PPIC: variants seen among roughly 807,000 people sequenced by gnomAD.
PPIC encodes the protein peptidyl-prolyl cis-trans isomerase C.
Under a neutral mutation model 19.5 loss-of-function variants are expected in PPIC, and 19 were observed. The ratio of observed to expected loss-of-function variants is 0.98; its 90% CI spans 0.68 to 1.43. The LOEUF (loss-of-function observed/expected upper bound fraction) is 1.43, where lower values mean the gene tolerates loss of function less well. Among genes scored for constraint, PPIC ranks in the 40% most tolerant of loss-of-function variants. PPIC has a pLI of 0.00. For missense variants in PPIC, 268 were observed against 268.6 expected (o/e 1.00, Z 0.02); for synonymous variants, 107 against 101.2 (o/e 1.06, Z -0.34).
chr5:123,033,943 A>T (rs753034993), intron 1 of PPIC, among the ~76,000 whole-genome samples: 1 of 152,234 alleles, frequency 6.6e-6, no homozygotes, highest in Non-Finnish European at 1.5e-5. Flanking sequence ...TTGGAGCCCA[A>T]TGAGCCAGAG....
At chr5:123,035,360 A>C (rs1762992046) in intron 1 of PPIC, among the ~76,000 whole-genome samples, 1 of 152,096 alleles carries the variant, frequency 6.6e-6, no homozygotes, top group Non-Finnish European at 1.5e-5. Flanking sequence ...TGCACAAACC[A>C]TTTCCCAAAG....
chr5:123,026,504 A>G (rs555646029), intron 3 of PPIC, among the ~76,000 whole-genome samples: 16 of 152,204 alleles, frequency 1.1e-4, no homozygotes, highest in Non-Finnish European at 2.1e-4. Context: ...CTATTTTACA[A>G]TGGGAAACAG....
In PPIC at chr5:123,023,726, A is replaced by C. The variant is rs1762799539; in HGVS notation, c.*149T>G. ...AAGCAAACTAAAGGGTGACGGTTTGATTTTTATAACTTTCCTGTGATCTGG... is the reference window on the plus strand; with the variant it reads ...AAGCAAACTAAAGGGTGACGGTTTGCTTTTTATAACTTTCCTGTGATCTGG... On this transcript the variant is annotated 3_prime_UTR_variant, in exon 5 of 5. Coordinates refer to ENST00000306442, the MANE Select transcript of PPIC (RefSeq NM_000943.5). The C allele has an allele frequency of 8.0e-7, 1 of 1,249,014 alleles. No individual in the cohort carries two copies. Among genetic ancestry groups the C allele is most frequent in the Non-Finnish European group, 1.0e-6 (1 of 965,824 alleles). The allele number at this position is 1,249,014 out of a possible 1,614,324, so 77.4% of individuals were successfully genotyped here.
At position 123,036,402 on chromosome 5, in the gene PPIC, C is replaced by A; in HGVS notation, c.117+107G>T. 1 of 1,062,308 alleles carries A rather than the reference C, an allele frequency of 9.4e-7. No individual in the cohort carries two copies. The highest frequency in any genetic ancestry group is 2.6e-5 in the East Asian group (1 of 38,922). 65.8% of individuals were successfully genotyped at this position (1,062,308 alleles called of 1,614,324 possible). ...CGGCCGCCTCCAGTCCCCCTGCGCC[C>A]GGGAAGCCTCCACCTCGCCCGCCCT... On this transcript the variant is annotated intron_variant, in intron 1 of 4. Coordinates refer to ENST00000306442, the MANE Select transcript of PPIC (RefSeq NM_000943.5). The surrounding 1 kb of genome is among the most constrained non-coding windows in gnomAD (Gnocchi z 4.5).
Position 123,029,433 on chromosome 5 carries a change from A to C in PPIC, c.118-15T>G. 6.4e-7 allele frequency: 1 copy of C among 1,564,046 alleles called. No individual in the cohort carries two copies. Among genetic ancestry groups the C allele is most frequent in the Non-Finnish European group, 8.7e-7 (1 of 1,155,558 alleles). Reference sequence around the variant, plus strand: ...TCAAAGAAGACCTGTGTGCAGTTGAAAGGCAAAGTGGAAGGTTATAAGGTG... The same window carrying C: ...TCAAAGAAGACCTGTGTGCAGTTGACAGGCAAAGTGGAAGGTTATAAGGTG... On this transcript the variant is annotated splice_polypyrimidine_tract_variant and intron_variant, in intron 1 of 4. Coordinates refer to ENST00000306442, the MANE Select transcript of PPIC (RefSeq NM_000943.5).
At chr5:123,031,319 C>T (rs1372247112) in intron 1 of PPIC, among the ~76,000 whole-genome samples, 1 of 152,174 alleles carries the variant, frequency 6.6e-6, no homozygotes, top group Non-Finnish European at 1.5e-5. Context: ...CAGTGTGTGA[C>T]AAATGCCCCC....
intron 2 of PPIC, 84 bp downstream of exon 2, chr5:123,029,221 A>C: frequency 6.2e-7 from 1 of 1,606,920 alleles, no homozygotes; most frequent in South Asian, 1.1e-5. Context: ...ATACTAATTT[A>C]ATACTTATTT....
chr5:123,026,462 A>C (rs542338136), intron 3 of PPIC, among the ~76,000 whole-genome samples: 2 of 152,226 alleles, frequency 1.3e-5, no homozygotes, highest in Admixed American at 1.3e-4. Flanking sequence ...CCGAATTCTC[A>C]TAACAACCCT....
chr5:123,023,755 A>T lies in PPIC; in HGVS notation c.*120T>A. 7.2e-7 allele frequency: 1 copy of T among 1,381,098 alleles called. No individual in the cohort carries two copies. The highest frequency in any genetic ancestry group is 9.5e-7 in the Non-Finnish European group (1 of 1,048,820). The allele number at this position is 1,381,098 out of a possible 1,614,324, so 85.6% of individuals were successfully genotyped here. Reference sequence around the variant, plus strand: ...TTATAACTTTCCTGTGATCTGGGATAGAATACAAAAAGAAAGTAAAAAAAA... The same window carrying T: ...TTATAACTTTCCTGTGATCTGGGATTGAATACAAAAAGAAAGTAAAAAAAA... On this transcript the variant is annotated 3_prime_UTR_variant, in exon 5 of 5. Transcript: ENST00000306442.
chr5:123,028,210 A>G (rs1054410483), intron 3 of PPIC, among the ~76,000 whole-genome samples: 8 of 152,248 alleles, frequency 5.3e-5, no homozygotes, highest in African/African-American at 1.9e-4. Context: ...TAGAACAGAA[A>G]AATGAAAACA....
intron 1 of PPIC, among the ~76,000 whole-genome samples, chr5:123,034,086 T>G (rs1762973603): frequency 6.6e-6 from 1 of 152,204 alleles, no homozygotes; most frequent in African/African-American, 2.4e-5. Flanking sequence ...TATTTACAGA[T>G]TCCTATTTTT....
chr5:123,028,102 T>TC (rs1470142284), intron 3 of PPIC, among the ~76,000 whole-genome samples: 1 of 152,204 alleles, frequency 6.6e-6, no homozygotes, highest in African/African-American at 2.4e-5. Flanking sequence ...TAAGCTTGGG[T>TC]CCTGACGAAA....
intron 2 of PPIC, 38 bp from the exon 3 acceptor site, chr5:123,028,906 G>T (rs778969817): frequency 6.7e-7 from 1 of 1,484,416 alleles, no homozygotes; most frequent in African/African-American, 1.4e-5. Flanking sequence ...AAGTAACAGA[G>T]GCCATACTGA....
chr5:123,024,392 C>T (rs189742155), intron 4 of PPIC, among the ~76,000 whole-genome samples: 7 of 152,332 alleles, frequency 4.6e-5, no homozygotes, highest in African/African-American at 1.7e-4. Flanking sequence ...GAGTCAGTTT[C>T]AGCTCCATCC....
intron 1 of PPIC, among the ~76,000 whole-genome samples, chr5:123,034,482 C>T (rs1164061753): frequency 6.6e-6 from 1 of 152,056 alleles, no homozygotes; most frequent in African/African-American, 2.4e-5. Flanking sequence ...AGTGGTTCCC[C>T]GCCCACACTG....
At position 123,024,758 on chromosome 5, in the gene PPIC, G is replaced by A. The variant is rs45607734; in HGVS notation, c.511-755C>T. Among the ~76,000 whole-genome samples, 512 of 152,320 alleles carry A rather than the reference G, an allele frequency of 3.4e-3. 4 individuals are homozygous for A. The highest frequency in any genetic ancestry group is 0.012 in the African/African-American group (488 of 41,570). On this transcript the variant is annotated intron_variant, in intron 4 of 4. Coordinates refer to ENST00000306442, the MANE Select transcript of PPIC (RefSeq NM_000943.5). ...GAAGGAACTGCAGCGAGCAAGACTG[G>A]TTTATTTACATTTGGATGAGGGAGG...
rs1318161782 is a variant in PPIC at position 123,023,326 on chromosome 5, G to C, written c.*549C>G. Reference sequence around the variant, plus strand: ...GTTCACTGTTAATGCTAGAGTGTGTGTATTTTTGTATATTTCTTAAAGAAC... The same window carrying C: ...GTTCACTGTTAATGCTAGAGTGTGTCTATTTTTGTATATTTCTTAAAGAAC... On this transcript the variant is annotated 3_prime_UTR_variant, in exon 5 of 5. Transcript: ENST00000306442. 6.6e-6 allele frequency: 1 copy of C among 152,164 alleles called. No homozygotes were observed. The highest frequency in any genetic ancestry group is 2.1e-4 in the South Asian group (1 of 4,816). The allele number at this position is 152,164 out of a possible 1,614,324, so 9.4% of individuals were successfully genotyped here.
intron 3 of PPIC, among the ~76,000 whole-genome samples, chr5:123,027,671 G>A (rs1414590770): frequency 1.3e-5 from 2 of 152,130 alleles, no homozygotes; most frequent in Non-Finnish European, 2.9e-5. Flanking sequence ...GCACTTAATA[G>A]TAGCCATTTT....
At chr5:123,025,390 A>G (rs1258077056) in intron 4 of PPIC, among the ~76,000 whole-genome samples, 1 of 152,200 alleles carries the variant, frequency 6.6e-6, no homozygotes, top group Non-Finnish European at 1.5e-5. Context: ...TATATAAATG[A>G]AGTCATATAG....
Sources: allele counts gnomAD v4.1 joint callset (sites outside exome capture counted in the v4.1 genomes callset), GRCh38; gene constraint gnomAD v4.1.1; non-coding constraint Gnocchi (gnomAD v3.1); transcripts MANE v1.5; gene names NCBI Gene and HGNC (gene_info 2026-07-23, HGNC 2026-07-21).